MOB3B: variants seen among roughly 807,000 people sequenced by gnomAD.
MOB3B encodes the protein MOB kinase activator 3B, also known as MOB kinase activator-like 2B.
MOB3B carries 7 observed loss-of-function variants against 18.7 expected under a neutral mutation model. That is an observed-to-expected ratio of 0.37 (90% CI 0.21 to 0.70). The LOEUF (loss-of-function observed/expected upper bound fraction) is 0.70. Among genes scored for constraint, MOB3B ranks in the 30% least tolerant of loss-of-function variants. The pLI, the probability that MOB3B is intolerant of heterozygous loss-of-function variation, is 0.52. For missense variants in MOB3B, 253 were observed against 281.3 expected, an observed-to-expected ratio of 0.90 and a Z score of 0.72; for synonymous variants, 111 against 99.9, an observed-to-expected ratio of 1.11 and a Z score of -0.66.
intron 1 of MOB3B, among the ~76,000 whole-genome samples, chr9:27,522,262 AAAAAG>A (rs1489686592): frequency 7.9e-6 from 1 of 125,986 alleles, no homozygotes; most frequent in African/African-American, 2.7e-5. Flanking sequence ...AAAAAAAAAA[AAAAAG>A]AAAAGAAAGA....
At chr9:27,348,240 G>T (rs1821057602) in intron 3 of MOB3B, among the ~76,000 whole-genome samples, 1 of 152,124 alleles carries the variant, frequency 6.6e-6, no homozygotes, top group Non-Finnish European at 1.5e-5. Context: ...AATGGGAAAA[G>T]AAAGAGAAAT....
At chr9:27,480,996 C>T (rs761129027) in intron 1 of MOB3B, among the ~76,000 whole-genome samples, 5 of 151,824 alleles carry the variant, frequency 3.3e-5, no homozygotes, top group Non-Finnish European at 7.4e-5. Flanking sequence ...GTAAGAATTG[C>T]GGGGAGGGAT....
chr9:27,482,770 A>G (rs61490808), intron 1 of MOB3B, among the ~76,000 whole-genome samples: 7,816 of 152,292 alleles, frequency 0.051, 269 homozygotes, highest in South Asian at 0.1. Flanking sequence ...AATGCACCAC[A>G]TGGCCGTTTT....
chr9:27,492,491 A>C lies in MOB3B; in HGVS notation c.-198-36743T>G, dbSNP rs1034059256. 3.7e-4 allele frequency among the ~76,000 whole-genome samples: 57 copies of C among 152,248 alleles called. 1 individual carries two copies. Among genetic ancestry groups the C allele is most frequent in the African/African-American group, 1.3e-3 (54 of 41,472 alleles). On this transcript the variant is annotated intron_variant, in intron 1 of 3. Transcript: ENST00000262244. ...GTAGTCTGCCAGCGAAATGCTGCCC[A>C]AGTGACTCTCAAGATGAGGTCTACC...
At chr9:27,362,605 G>A (rs903588083) in intron 2 of MOB3B, among the ~76,000 whole-genome samples, 1 of 152,064 alleles carries the variant, frequency 6.6e-6, no homozygotes, top group African/African-American at 2.4e-5. Context: ...AGCAAAAGCT[G>A]CAAACGGTTC....
In MOB3B at chr9:27,330,311, G is replaced by T; in HGVS notation, c.*276C>A. 1 of 373,858 alleles carries T rather than the reference G, an allele frequency of 2.7e-6. No individual in the cohort carries two copies. The highest frequency in any genetic ancestry group is 4.8e-6 in the Non-Finnish European group (1 of 206,706). 23.2% of individuals were successfully genotyped at this position (373,858 alleles called of 1,614,324 possible). ...CTGTGCCATGTGTGGAAGTGCAGAGGCTTCCTCGTGGACAATTCCCCAGCC... is the reference window on the plus strand; with the variant it reads ...CTGTGCCATGTGTGGAAGTGCAGAGTCTTCCTCGTGGACAATTCCCCAGCC... On this transcript the variant is annotated 3_prime_UTR_variant, in exon 4 of 4. Transcript: ENST00000262244.
chr9:27,425,373 CAA>C (rs57574286), intron 2 of MOB3B, among the ~76,000 whole-genome samples: 62 of 52,966 alleles, frequency 1.2e-3, no homozygotes, highest in Non-Finnish European at 2.2e-3. Context: ...AAAACTGTCT[CAA>C]AAAAAAAAAA....
At chr9:27,456,930 G>A (rs7021930) in intron 1 of MOB3B, among the ~76,000 whole-genome samples, 51,676 of 152,048 alleles carry the variant, frequency 0.34, 9,461 homozygotes, top group African/African-American at 0.41. Flanking sequence ...TGAAGTCTTC[G>A]ATGCCCTCTT....
intron 2 of MOB3B, among the ~76,000 whole-genome samples, chr9:27,361,809 GCA>G (rs1389685099): frequency 1.3e-5 from 2 of 152,168 alleles, no homozygotes; most frequent in African/African-American, 4.8e-5. Flanking sequence ...CACGGGCTCT[GCA>G]CACACTTTTA....
At chr9:27,472,678 TAAA>T (rs56092176) in intron 1 of MOB3B, among the ~76,000 whole-genome samples, 40,925 of 98,274 alleles carry the variant, frequency 0.42, 8,371 homozygotes, top group Middle Eastern at 0.54. Flanking sequence ...CACTTTATTC[TAAA>T]AAAAAAAAAA....
At position 27,527,948 on chromosome 9, in the gene MOB3B, C is replaced by A. The variant is rs545402875; in HGVS notation, c.-199+1607G>T. ...GCCGCCTGCAACCCAACAAGCGCAC[C>A]CACAGGGGAACTCGGGACCATCCTA... On this transcript the variant is annotated intron_variant, in intron 1 of 3. Coordinates refer to ENST00000262244, the MANE Select transcript of MOB3B (RefSeq NM_024761.5). 8.5e-5 allele frequency among the ~76,000 whole-genome samples: 13 copies of A among 152,322 alleles called. No individual in the cohort carries two copies. The South Asian group carries it at 1.4e-3, about 17-fold the overall frequency.
At chr9:27,463,443 C>A (rs531030850) in intron 1 of MOB3B, among the ~76,000 whole-genome samples, 19 of 151,986 alleles carry the variant, frequency 1.3e-4, no homozygotes, top group African/African-American at 4.6e-4. Context: ...AGAAAAAAAA[C>A]AAAACAGAGG....
At chr9:27,420,258 A>G (rs1158648329) in intron 2 of MOB3B, among the ~76,000 whole-genome samples, 1 of 152,078 alleles carries the variant, frequency 6.6e-6, no homozygotes, top group Non-Finnish European at 1.5e-5. Flanking sequence ...GATTCCTTAA[A>G]GAACTAAAAG....
At chr9:27,439,021 A>G (rs988092779) in intron 2 of MOB3B, among the ~76,000 whole-genome samples, 3 of 152,208 alleles carry the variant, frequency 2.0e-5, no homozygotes, top group African/African-American at 7.2e-5. Flanking sequence ...GAAAAACACA[A>G]CAGCTCCTTT....
intron 2 of MOB3B, among the ~76,000 whole-genome samples, chr9:27,366,859 C>A (rs922793591): frequency 3.3e-5 from 5 of 152,192 alleles, no homozygotes; most frequent in Admixed American, 1.3e-4. Flanking sequence ...CTGGTTACTG[C>A]CTCTTCTTTC....
At chr9:27,433,414 T>C (rs1822446022) in intron 2 of MOB3B, among the ~76,000 whole-genome samples, 1 of 152,184 alleles carries the variant, frequency 6.6e-6, no homozygotes, top group Non-Finnish European at 1.5e-5. Flanking sequence ...TTAAGCCACA[T>C]AGAGGTGAAA....
chr9:27,423,000 A>T (rs1283801547), intron 2 of MOB3B, among the ~76,000 whole-genome samples: 1 of 152,236 alleles, frequency 6.6e-6, no homozygotes, highest in Non-Finnish European at 1.5e-5. Flanking sequence ...AATAATAATG[A>T]GCATGAAATC....
chr9:27,423,698 G>A (rs894258133), intron 2 of MOB3B, among the ~76,000 whole-genome samples: 1 of 152,162 alleles, frequency 6.6e-6, no homozygotes, highest in African/African-American at 2.4e-5. Flanking sequence ...GAAGTTACAA[G>A]AATTGTCCAC....
chr9:27,332,850 C>G (rs527590102), intron 3 of MOB3B, among the ~76,000 whole-genome samples: 1 of 152,164 alleles, frequency 6.6e-6, no homozygotes, highest in African/African-American at 2.4e-5. Context: ...TCTATCTGAC[C>G]GCAAAGGCTT....
Sources: allele counts gnomAD v4.1 joint callset (sites outside exome capture counted in the v4.1 genomes callset), GRCh38; gene constraint gnomAD v4.1.1; transcripts MANE v1.5; gene names NCBI Gene and HGNC (gene_info 2026-07-23, HGNC 2026-07-21).